ZNF343: variants seen among roughly 807,000 people sequenced by gnomAD.
ZNF343 encodes the protein zinc finger protein 343.
Under a neutral mutation model 13.8 loss-of-function variants are expected in ZNF343, and 11 were observed. The observed-to-expected ratio is 0.80, with a 90% CI of 0.50 to 1.32. The LOEUF is 1.32. Among genes scored for constraint, ZNF343 ranks in the 40% most tolerant of loss-of-function variants. The pLI is 0.00. For missense variants in ZNF343, 658 were observed against 714.2 expected (o/e 0.92, Z 0.90); for synonymous variants, 248 against 260.0 (o/e 0.95, Z 0.44).
chr20:2,507,945 C>G (rs1158293279), intron 1 of ZNF343, among the ~76,000 whole-genome samples: 1 of 152,072 alleles, frequency 6.6e-6, no homozygotes, highest in African/African-American at 2.4e-5. Context: ...CTTCACAGCC[C>G]CAAACCAGAT....
chr20:2,484,343 T>C lies in ZNF343; in HGVS notation c.618A>G (p.Lys206=). 6.2e-7 allele frequency: 1 copy of C among 1,614,242 alleles called. No individual in the cohort carries two copies. The highest frequency in any genetic ancestry group is 8.5e-7 in the Non-Finnish European group (1 of 1,180,032). Residue 206 remains lysine, a synonymous_variant, in exon 6 of 6, where the codon AAA becomes AAG. Coordinates refer to ENST00000278772, the MANE Select transcript of ZNF343 (RefSeq NM_024325.6). ...GCTCTGTTTCTACCACCATGTTGCCTTTTCTAGGACTTGCTGACTGTCTTT... is the reference window on the plus strand; with the variant it reads ...GCTCTGTTTCTACCACCATGTTGCCCTTTCTAGGACTTGCTGACTGTCTTT... ...PLQRQSASPR[K]GNMVVETEPS...
intron 1 of ZNF343, among the ~76,000 whole-genome samples, chr20:2,520,142 T>C (rs2085776124): frequency 6.6e-6 from 1 of 152,216 alleles, no homozygotes; most frequent in East Asian, 1.9e-4. Context: ...TAATGACTGC[T>C]TCTGAGCTAA....
chr20:2,501,644 T>TGCTGTTCACCAATATCC (rs2085568794), intron 1 of ZNF343, among the ~76,000 whole-genome samples: 2 of 152,188 alleles, frequency 1.3e-5, no homozygotes, highest in Non-Finnish European at 2.9e-5. Context: ...CAGCAACATT[T>TGCTGTTCACCAATATCC]GCTGTTCACC....
At chr20:2,502,206 G>A (rs1384367607) in intron 1 of ZNF343, among the ~76,000 whole-genome samples, 1 of 152,110 alleles carries the variant, frequency 6.6e-6, no homozygotes, top group Non-Finnish European at 1.5e-5. Flanking sequence ...TGGAAGAAAG[G>A]GTATCAGTGA....
At chr20:2,497,105 G>C (rs1306322015) in intron 2 of ZNF343, among the ~76,000 whole-genome samples, 3 of 152,090 alleles carry the variant, frequency 2.0e-5, no homozygotes, top group South Asian at 2.1e-4. Flanking sequence ...ACCATCAACA[G>C]GTGTGAGGAA....
At chr20:2,489,120 GAAC>G (rs1371484547) in intron 5 of ZNF343, among the ~76,000 whole-genome samples, 1 of 152,170 alleles carries the variant, frequency 6.6e-6, no homozygotes, top group East Asian at 1.9e-4. Flanking sequence ...TAACTTTGTT[GAAC>G]GTAGTAATGG....
At chr20:2,510,670 C>T (rs187233264), upstream of ZNF343, among the ~76,000 whole-genome samples, 218 of 152,288 alleles carry the variant, frequency 1.4e-3, 5 homozygotes, top group African/African-American at 5.0e-3. Flanking sequence ...TAGTACTGGG[C>T]AGAATCTGTT....
chr20:2,504,068 A>C (rs1163308798), intron 1 of ZNF343, among the ~76,000 whole-genome samples: 1 of 152,194 alleles, frequency 6.6e-6, no homozygotes, highest in African/African-American at 2.4e-5. Flanking sequence ...CGCTAGCAAG[A>C]CTAATAAAGA....
At chr20:2,494,107 C>G (rs2085418662) in intron 2 of ZNF343, 63 bp from the exon 3 acceptor site, 2 of 536,882 alleles carry the variant, frequency 3.7e-6, no homozygotes, top group Non-Finnish European at 6.7e-6. Flanking sequence ...AGGCCTATGC[C>G]TCTTCAACAG....
rs1312252056 is a variant in ZNF343, at chr20:2,484,553, A to G, written c.408T>C (p.Cys136=). ...TCCCTGGATGGAAGTGATTTTCTGC[A>G]CATAAGCCCAGGAAGATCTGAAGTA... ...QHVLQIFLGL[C]AENHFHPGNS... is the part of the protein sequence containing the mutation. Residue 136 remains cysteine, a synonymous_variant, in exon 6 of 6, where the codon TGT becomes TGC. Transcript: ENST00000278772. 1 of 1,614,212 alleles carries G rather than the reference A, an allele frequency of 6.2e-7. No homozygotes were observed. The highest frequency in any genetic ancestry group is 2.2e-5 in the East Asian group (1 of 44,886).
At chr20:2,491,272 C>CA (rs1238019000) in intron 5 of ZNF343, among the ~76,000 whole-genome samples, 2 of 151,728 alleles carry the variant, frequency 1.3e-5, no homozygotes, top group Admixed American at 6.6e-5. Context: ...AAAGACAGTA[C>CA]AAAAAAATAA....
intron 2 of ZNF343, among the ~76,000 whole-genome samples, chr20:2,495,944 C>T (rs993276007): frequency 3.9e-5 from 6 of 152,138 alleles, no homozygotes; most frequent in East Asian, 1.9e-4. Context: ...CCTCCCAACG[C>T]GCTGGGATTA....
At chr20:2,498,128 G>A (rs893007745) in intron 2 of ZNF343, among the ~76,000 whole-genome samples, 8 of 152,042 alleles carry the variant, frequency 5.3e-5, no homozygotes, top group East Asian at 1.9e-4. Context: ...AGGCTGAGGC[G>A]GGTGGATCAC....
intron 2 of ZNF343, among the ~76,000 whole-genome samples, chr20:2,496,113 G>T (rs2085455382): frequency 6.6e-6 from 1 of 152,184 alleles, no homozygotes; most frequent in Non-Finnish European, 1.5e-5. Flanking sequence ...CCTCAGAAAA[G>T]ACACAAGATA....
chr20:2,506,471 T>A (rs1276692530), intron 1 of ZNF343, among the ~76,000 whole-genome samples: 5 of 152,232 alleles, frequency 3.3e-5, no homozygotes, highest in Non-Finnish European at 7.4e-5. Context: ...TTATAAATCA[T>A]GCTGCTATAA....
intron 1 of ZNF343, among the ~76,000 whole-genome samples, chr20:2,506,367 C>G (rs1397969469): frequency 6.6e-6 from 1 of 152,004 alleles, no homozygotes; most frequent in Non-Finnish European, 1.5e-5. Context: ...CTAGTTCAAC[C>G]ATTGTAGAAG....
In ZNF343 at chr20:2,489,755, TC is replaced by T. The variant is rs1367246067; in HGVS notation, c.304+2943del. Among the ~76,000 whole-genome samples the T allele has an allele frequency of 2.0e-5, 3 of 148,400 alleles. No individual in the cohort carries two copies. In the East Asian group the frequency reaches 5.8e-4, roughly 29 times the overall value. ...TCTGGCCTAAGCTTATTAAACTGTCTCCCCTGTGAAGGCTTTAAAGATTATT... is the reference window on the plus strand; with the variant it reads ...TCTGGCCTAAGCTTATTAAACTGTCTCCCTGTGAAGGCTTTAAAGATTATT... On this transcript the variant is annotated intron_variant, in intron 5 of 5. Transcript: ENST00000278772.
intron 2 of ZNF343, among the ~76,000 whole-genome samples, chr20:2,495,849 T>C (rs2085450678): frequency 6.6e-6 from 1 of 151,972 alleles, no homozygotes; most frequent in Non-Finnish European, 1.5e-5. Flanking sequence ...TCCAGCTAAT[T>C]GTTTGAATTT....
In ZNF343 at chr20:2,508,892, T is replaced by A. The variant is rs1490815272; in HGVS notation, c.-248A>T. On this transcript the variant is annotated 5_prime_UTR_variant, in exon 1 of 6. Transcript: ENST00000278772. This position sits in a 1 kb window ranked among gnomAD's most constrained non-coding sequence, Gnocchi z 4.5. ...GAGGCCGCGCTCACCAGAGCCAGCG[T>A]GCCCGGGATCTCGGCCACCGACCGA... The A allele has an allele frequency of 2.0e-5, 3 of 152,386 alleles. No individual in the cohort carries two copies. In the East Asian group the frequency reaches 5.8e-4, roughly 30 times the overall value. The allele number at this position is 152,386 out of a possible 1,614,324, so 9.4% of individuals were successfully genotyped here.
Sources: allele counts gnomAD v4.1 joint callset (sites outside exome capture counted in the v4.1 genomes callset), GRCh38; gene constraint gnomAD v4.1.1; non-coding constraint Gnocchi (gnomAD v3.1); transcripts MANE v1.5; gene names NCBI Gene and HGNC (gene_info 2026-07-23, HGNC 2026-07-21).